Variants in OR56A3 observed in about 807,000 individuals in gnomAD.
The protein encoded by OR56A3 is olfactory receptor family 56 subfamily A member 3.
OR56A3 carries 23 observed loss-of-function variants against 17.5 expected under a neutral mutation model. The observed-to-expected ratio is 1.32, with a 90% CI of 0.95 to 1.87. The LOEUF (loss-of-function observed/expected upper bound fraction) is 1.87, where lower values mean the gene tolerates loss of function less well. OR56A3 is among the 40% of genes most tolerant of loss of function. The probability of loss-of-function intolerance (pLI) is 0.00; values close to 1 mark genes in which losing one functional copy is unlikely to be tolerated. For missense variants in OR56A3, 366 were observed against 380.1 expected, an observed-to-expected ratio of 0.96 and a Z score of 0.31; for synonymous variants, 175 against 150.6, an observed-to-expected ratio of 1.16 and a Z score of -1.19.
At chr11:5,958,004 T>C in the OR56A3 span, among the ~76,000 whole-genome samples, 2 of 152,156 alleles carry the variant, frequency 1.3e-5, no homozygotes, top group African/African-American at 4.8e-5. Flanking sequence ...AGAGAAATTG[T>C]AAATAATTTA....
the OR56A3 span, among the ~76,000 whole-genome samples, chr11:5,956,539 T>C: frequency 2.0e-5 from 3 of 152,222 alleles, no homozygotes; most frequent in South Asian, 2.1e-4. Context: ...CAAAGTATTA[T>C]TTCTGCTAAG....
At chr11:6,006,043 G>A in the OR56A3 span, among the ~76,000 whole-genome samples, 1 of 152,170 alleles carries the variant, frequency 6.6e-6, no homozygotes, top group Non-Finnish European at 1.5e-5. Flanking sequence ...CATGTAAATG[G>A]AGAAGAAAGA....
chr11:6,002,442 T>C, the OR56A3 span: 1 of 1,614,194 alleles, frequency 6.2e-7, no homozygotes, highest in Non-Finnish European at 8.5e-7. Context: ...CACAGACAGG[T>C]TACTGCAGAT....
the OR56A3 span, among the ~76,000 whole-genome samples, chr11:5,976,653 G>A: frequency 3.3e-5 from 5 of 152,048 alleles, no homozygotes; most frequent in Admixed American, 3.3e-4. Flanking sequence ...ATCCAGTGCC[G>A]AGATTGGTTA....
the OR56A3 span, among the ~76,000 whole-genome samples, chr11:6,013,565 C>A: frequency 6.6e-6 from 1 of 152,106 alleles, no homozygotes; most frequent in East Asian, 1.9e-4. Context: ...GGCATGGCAC[C>A]CTGAGTTTTG....
At chr11:5,958,672 A>G in the OR56A3 span, among the ~76,000 whole-genome samples, 1 of 152,112 alleles carries the variant, frequency 6.6e-6, no homozygotes, top group Admixed American at 6.5e-5. Context: ...CAACAATACA[A>G]TGTATTATAT....
In OR56A3 at chr11:5,948,071, T is replaced by C; in HGVS notation, c.725T>C (p.Leu242Pro). Reference protein sequence around the residue: ...LKAEGAVAKALSTCGSHFMLI... With the variant: ...LKAEGAVAKAPSTCGSHFMLI... ...GCAGAGGGTGCCGTGGCAAAGGCCC[T>C]AAGCACATGTGGCTCCCACTTCATG... The change falls in exon 3 of 3, where the codon CTA becomes CCA. Residue 242 changes from leucine to proline, a missense_variant. Physicochemically the swap from Leu to Pro is moderately conservative, Grantham distance 98. Coordinates refer to ENST00000641160, the MANE Select transcript of OR56A3 (RefSeq NM_001003443.3). 5 of 1,614,240 alleles carry C rather than the reference T, an allele frequency of 3.1e-6. No individual in the cohort carries two copies. Among genetic ancestry groups the C allele is most frequent in the Non-Finnish European group, 4.2e-6 (5 of 1,180,048 alleles).
At chr11:5,998,980 C>T in the OR56A3 span, among the ~76,000 whole-genome samples, 2 of 152,206 alleles carry the variant, frequency 1.3e-5, no homozygotes, top group African/African-American at 2.4e-5. Flanking sequence ...AATGTGAGCA[C>T]TGGAGTGGTA....
the OR56A3 span, among the ~76,000 whole-genome samples, chr11:6,009,604 T>C: frequency 1.9e-4 from 29 of 152,214 alleles, no homozygotes; most frequent in Non-Finnish European, 3.1e-4. Flanking sequence ...AGACTTCTGA[T>C]GTCTATTGCT....
intron 2 of OR56A3, among the ~76,000 whole-genome samples, chr11:5,946,462 G>A (rs1401296789): frequency 6.6e-6 from 1 of 152,174 alleles, no homozygotes; most frequent in African/African-American, 2.4e-5. Context: ...GAAATGTGTG[G>A]CTATATCATT....
chr11:6,010,356 T>A, the OR56A3 span, among the ~76,000 whole-genome samples: 1 of 152,194 alleles, frequency 6.6e-6, no homozygotes, highest in Non-Finnish European at 1.5e-5. Flanking sequence ...CTTCAAAAGG[T>A]ACATTGAAAC....
chr11:5,970,569 CTGAA>C, the OR56A3 span, among the ~76,000 whole-genome samples: 1 of 151,874 alleles, frequency 6.6e-6, no homozygotes. Context: ...GGAGGGAAAA[CTGAA>C]TGCACAGGTA....
At chr11:5,998,891 G>GCT in the OR56A3 span, among the ~76,000 whole-genome samples, 1 of 152,176 alleles carries the variant, frequency 6.6e-6, no homozygotes, top group African/African-American at 2.4e-5. Flanking sequence ...ATTGTGTCAT[G>GCT]CTCTCTCAAA....
At chr11:5,964,046 T>C in the OR56A3 span, among the ~76,000 whole-genome samples, 6 of 152,208 alleles carry the variant, frequency 3.9e-5, no homozygotes, top group Admixed American at 1.3e-4. Context: ...CAGCTCAGCA[T>C]TTCTGATTGA....
chr11:6,005,134 G>T, the OR56A3 span, among the ~76,000 whole-genome samples: 3 of 152,126 alleles, frequency 2.0e-5, no homozygotes, highest in East Asian at 3.8e-4. Context: ...ATATTGCCCA[G>T]TTTTCTCACA....
At chr11:5,986,805 C>A in the OR56A3 span, 1 of 1,614,020 alleles carries the variant, frequency 6.2e-7, no homozygotes, top group Non-Finnish European at 8.5e-7. Context: ...CAATCCAGTG[C>A]TGGCTTTCCT....
the OR56A3 span, among the ~76,000 whole-genome samples, chr11:5,980,466 T>G: frequency 6.6e-6 from 1 of 152,204 alleles, no homozygotes; most frequent in Non-Finnish European, 1.5e-5. Flanking sequence ...CACTGTTGGT[T>G]TAAAGTCAGT....
At chr11:5,993,241 T>G in the OR56A3 span, among the ~76,000 whole-genome samples, 2 of 152,306 alleles carry the variant, frequency 1.3e-5, no homozygotes, top group East Asian at 3.9e-4. Context: ...TTTTAGGCCA[T>G]GTCAAAAGGC....
the OR56A3 span, among the ~76,000 whole-genome samples, chr11:5,990,466 G>C: frequency 6.6e-6 from 1 of 152,164 alleles, no homozygotes. Context: ...GTGAAATCCT[G>C]GATGTGTTCA....
Sources: gnomAD v4.1 joint callset for allele counts (sites outside exome capture counted in the v4.1 genomes callset) on GRCh38, gnomAD v4.1.1 for gene constraint, MANE v1.5 for transcripts, NCBI Gene and HGNC (gene_info 2026-07-23, HGNC 2026-07-21) for gene names.